Variants in SYN3 observed in about 807,000 individuals in gnomAD.
SYN3 encodes synapsin III, also known as synapsin-3.
In SYN3, 35 loss-of-function variants were observed where a neutral mutation model predicts 65.8. The ratio of observed to expected loss-of-function variants is 0.53; its 90% CI spans 0.41 to 0.70. The LOEUF (loss-of-function observed/expected upper bound fraction) is 0.70. Among genes scored for constraint, SYN3 ranks in the 30% least tolerant of loss-of-function variants. The probability of loss-of-function intolerance (pLI) is 0.00; values close to 1 mark genes in which losing one functional copy is unlikely to be tolerated. For synonymous variants in SYN3, 270 were observed against 292.9 expected, an observed-to-expected ratio of 0.92 and a Z score of 0.80; for missense variants, 680 against 749.0, an observed-to-expected ratio of 0.91 and a Z score of 1.08.
At chr22:32,597,025 G>A (rs1268816243) in intron 6 of SYN3, among the ~76,000 whole-genome samples, 1 of 152,060 alleles carries the variant, frequency 6.6e-6, no homozygotes, top group African/African-American at 2.4e-5. Flanking sequence ...TGGCTTTACC[G>A]CTGTGCAACT....
chr22:32,555,150 A>T (rs528273945), intron 7 of SYN3, among the ~76,000 whole-genome samples: 3 of 152,300 alleles, frequency 2.0e-5, no homozygotes, highest in African/African-American at 7.2e-5. Flanking sequence ...GTGGGAAGAG[A>T]GTCTAGGCCG....
At position 32,743,147 on chromosome 22, in the gene SYN3, G is replaced by T. The variant is rs1329599966; in HGVS notation, c.711+121768C>A. Among the ~76,000 whole-genome samples the T allele has an allele frequency of 2.0e-5, 3 of 152,290 alleles. No homozygotes were observed. The South Asian group carries it at 6.2e-4, about 32-fold the overall frequency. ...CATTTTTTTAACACTAGCTATTTCA[G>T]TTACCCCCTGAGTGAGTATAAATGT... On this transcript the variant is annotated intron_variant, in intron 6 of 13. Coordinates refer to ENST00000358763, the MANE Select transcript of SYN3 (RefSeq NM_003490.4).
Position 32,701,992 on chromosome 22 carries a change from C to G in SYN3, c.712-105256G>C, listed in dbSNP as rs951888180. Among the ~76,000 whole-genome samples, 3 of 152,262 alleles carry G rather than the reference C, an allele frequency of 2.0e-5. No individual in the cohort carries two copies. In the South Asian group the frequency reaches 6.2e-4, roughly 32 times the overall value. ...TTTGTGTGTGTGATTTAAGTATTTT[C>G]TTGATTTTCTTTCAGGAATAAATTC... On this transcript the variant is annotated intron_variant, in intron 6 of 13. Transcript: ENST00000358763.
intron 6 of SYN3, among the ~76,000 whole-genome samples, chr22:32,820,242 CTGTG>C (rs3054173): frequency 1.1e-4 from 17 of 148,990 alleles, no homozygotes; most frequent in South Asian, 4.3e-4. Context: ...CCTTTCTCCC[CTGTG>C]TGTGTGTGTG....
At chr22:32,656,520 T>C (rs1332234870) in intron 6 of SYN3, among the ~76,000 whole-genome samples, 1 of 152,164 alleles carries the variant, frequency 6.6e-6, no homozygotes. Flanking sequence ...TGTGCTTGTC[T>C]TGGGGAGGTT....
At chr22:32,671,035 A>G (rs1392400986) in intron 6 of SYN3, among the ~76,000 whole-genome samples, 2 of 152,234 alleles carry the variant, frequency 1.3e-5, no homozygotes, top group African/African-American at 4.8e-5. Flanking sequence ...CCCTGGCACC[A>G]TAAGGCTATT....
At chr22:32,768,955 C>G (rs1397967015) in intron 6 of SYN3, among the ~76,000 whole-genome samples, 1 of 152,184 alleles carries the variant, frequency 6.6e-6, no homozygotes, top group Non-Finnish European at 1.5e-5. Context: ...ACCCTGCTTT[C>G]CCTCTTGCTC....
chr22:32,722,567 G>T (rs115957063), intron 6 of SYN3, among the ~76,000 whole-genome samples: 1 of 152,182 alleles, frequency 6.6e-6, no homozygotes, highest in Admixed American at 6.5e-5. Flanking sequence ...TCTCTTACTC[G>T]GACAGTGCCA....
intron 11 of SYN3, among the ~76,000 whole-genome samples, chr22:32,528,342 A>C (rs2058016174): frequency 6.6e-6 from 1 of 152,102 alleles, no homozygotes; most frequent in Non-Finnish European, 1.5e-5. Flanking sequence ...AAGTTTGGGG[A>C]CTTGCTTTTA....
In SYN3 at chr22:32,989,934, G is replaced by C. The variant is rs140401192; in HGVS notation, c.312-9232C>G. The stretch of plus-strand genomic sequence containing the variant: ...GTCACCCTCATTCCTACAGATGTCT[G>C]CAAGTTCACACTCTTCATACCACAG... On this transcript the variant is annotated intron_variant, in intron 2 of 13. Coordinates refer to ENST00000358763, the MANE Select transcript of SYN3 (RefSeq NM_003490.4). Among the ~76,000 whole-genome samples the C allele has an allele frequency of 3.6e-3, 550 of 151,602 alleles. 4 individuals carry two copies. Among genetic ancestry groups the C allele is most frequent in the African/African-American group, 0.013 (525 of 41,318 alleles).
chr22:32,621,609 G>A (rs1281441791), intron 6 of SYN3, among the ~76,000 whole-genome samples: 1 of 152,142 alleles, frequency 6.6e-6, no homozygotes, highest in African/African-American at 2.4e-5. Context: ...ACCTGGTGCT[G>A]GGAACTGCTT....
intron 10 of SYN3, among the ~76,000 whole-genome samples, chr22:32,533,423 G>C (rs376808895): frequency 1.9e-4 from 29 of 152,268 alleles, no homozygotes; most frequent in African/African-American, 6.7e-4. Context: ...TGGACTGTCT[G>C]CATGGTGACC....
intron 7 of SYN3, among the ~76,000 whole-genome samples, chr22:32,579,495 GT>G (rs1318281624): frequency 6.6e-6 from 1 of 152,162 alleles, no homozygotes; most frequent in African/African-American, 2.4e-5. Context: ...CGTGGGCAGA[GT>G]CCTCATGACT....
intron 6 of SYN3, among the ~76,000 whole-genome samples, chr22:32,716,607 T>G (rs1009755594): frequency 2.6e-5 from 4 of 152,084 alleles, no homozygotes. Flanking sequence ...CTCGGCTCAT[T>G]GCAACCTCTG....
chr22:32,859,894 T>C (rs2048488242), intron 6 of SYN3: 1 of 167,938 alleles, frequency 6.0e-6, no homozygotes, highest in Non-Finnish European at 1.3e-5. Flanking sequence ...TGAAAGATGT[T>C]ATACACCAGG....
intron 7 of SYN3, among the ~76,000 whole-genome samples, chr22:32,593,715 A>G (rs192340656): frequency 1.9e-3 from 288 of 152,244 alleles, no homozygotes; most frequent in Non-Finnish European, 2.7e-3. Context: ...TGTAGAGGAC[A>G]TAACTGGATA....
At chr22:32,877,546 C>T (rs548481873) in intron 4 of SYN3, among the ~76,000 whole-genome samples, 153 of 152,274 alleles carry the variant, frequency 1.0e-3, no homozygotes, top group Middle Eastern at 3.4e-3. Context: ...ACCCACTAGA[C>T]GCAGCAGCAC....
At chr22:32,614,799 C>A (rs929531117) in intron 6 of SYN3, among the ~76,000 whole-genome samples, 1 of 152,152 alleles carries the variant, frequency 6.6e-6, no homozygotes, top group Non-Finnish European at 1.5e-5. Flanking sequence ...GAAACCCAAG[C>A]CTTAAAACTC....
chr22:32,791,809 T>C (rs779131646), intron 6 of SYN3, among the ~76,000 whole-genome samples: 6 of 152,086 alleles, frequency 3.9e-5, no homozygotes, highest in Non-Finnish European at 7.4e-5. Flanking sequence ...AATTAATATA[T>C]GCAAACTGCC....
Sources: allele counts gnomAD v4.1 joint callset (sites outside exome capture counted in the v4.1 genomes callset), GRCh38; gene constraint gnomAD v4.1.1; transcripts MANE v1.5; gene names NCBI Gene and HGNC (gene_info 2026-07-23, HGNC 2026-07-21).